KLC1: variants seen among roughly 807,000 people sequenced by gnomAD.
KLC1 encodes the protein kinesin light chain 1.
In KLC1, 30 loss-of-function variants were observed where a neutral mutation model predicts 84.2. That is an observed-to-expected ratio of 0.36 (90% CI 0.27 to 0.48). The LOEUF is 0.48. Among genes scored for constraint, KLC1 ranks in the 20% least tolerant of loss-of-function variants. The pLI, the probability that KLC1 is intolerant of heterozygous loss-of-function variation, is 0.99. For synonymous variants in KLC1, 289 were observed against 293.3 expected, an observed-to-expected ratio of 0.99 and a Z score of 0.15; for missense variants, 499 against 805.4, an observed-to-expected ratio of 0.62 and a Z score of 4.60.
At chr14:103,662,078 C>A in intron 3 of KLC1, 38 bp from the exon 4 acceptor site, 2 of 1,387,034 alleles carry the variant, frequency 1.4e-6, no homozygotes, top group Non-Finnish European at 2.1e-6. Flanking sequence ...GTGTATAGCA[C>A]GTGTAAGATG....
chr14:103,631,238 G>A (rs957940832), intron 1 of KLC1, among the ~76,000 whole-genome samples: 2 of 151,956 alleles, frequency 1.3e-5, no homozygotes, highest in East Asian at 3.9e-4. Context: ...CCGCCACCAC[G>A]CCCGGTTAAT....
chr14:103,693,326 A>G lies in KLC1; in HGVS notation c.1848+901A>G, dbSNP rs1057340101. On this transcript the variant is annotated intron_variant, in intron 15 of 16. Coordinates refer to ENST00000334553, the MANE Select transcript of KLC1 (RefSeq NM_001394837.1). This position sits in a 1 kb window ranked among gnomAD's most constrained non-coding sequence, Gnocchi z 5.1. Reference sequence around the variant, plus strand: ...TGGACATGTTGCTTGAAGCACCCCTAATGACAAGAGGAAAGAAAGTCTCTT... The same window carrying G: ...TGGACATGTTGCTTGAAGCACCCCTGATGACAAGAGGAAAGAAAGTCTCTT... 6.6e-6 allele frequency among the ~76,000 whole-genome samples: 1 copy of G among 151,740 alleles called. No homozygotes were observed. Among genetic ancestry groups the G allele is most frequent in the African/African-American group, 2.4e-5 (1 of 41,286 alleles).
chr14:103,698,587 G>A, intron 15 of KLC1: 1 of 606,114 alleles, frequency 1.6e-6, no homozygotes, highest in Middle Eastern at 4.4e-4. Flanking sequence ...CCTGTCCCCA[G>A]ACCCAGGGAG....
intron 15 of KLC1, chr14:103,699,646 G>T: frequency 2.6e-6 from 4 of 1,519,656 alleles, no homozygotes; most frequent in Non-Finnish European, 3.6e-6. Flanking sequence ...ACCCCGTTTG[G>T]ACTGTCACTC....
chr14:103,669,666 C>G lies in KLC1; in HGVS notation c.885+68C>G, dbSNP rs903836177. ...CCCCATATATTTCTTTTATCCAACTCATTTTACCATTAAACTCAACAGGGA... is the reference window on the plus strand; with the variant it reads ...CCCCATATATTTCTTTTATCCAACTGATTTTACCATTAAACTCAACAGGGA... On this transcript the variant is annotated intron_variant, in intron 6 of 16. Transcript: ENST00000334553. 7.4e-6 allele frequency: 8 copies of G among 1,085,134 alleles called. No homozygotes were observed. In the South Asian group the frequency reaches 1.0e-4, roughly 14 times the overall value. The allele number at this position is 1,085,134 out of a possible 1,614,324, so 67.2% of individuals were successfully genotyped here.
intron 1 of KLC1, among the ~76,000 whole-genome samples, chr14:103,637,375 C>G (rs2077126590): frequency 6.6e-6 from 1 of 151,618 alleles, no homozygotes; most frequent in African/African-American, 2.4e-5. Flanking sequence ...ACTAAAATTA[C>G]AAAAATTCGC....
chr14:103,670,526 G>A (rs531382519), intron 7 of KLC1, among the ~76,000 whole-genome samples: 1 of 151,974 alleles, frequency 6.6e-6, no homozygotes, highest in Admixed American at 6.6e-5. Context: ...TAGTAGAGAT[G>A]GGGTTTCACC....
At chr14:103,656,551 G>A (rs1051924454) in intron 2 of KLC1, among the ~76,000 whole-genome samples, 2 of 152,122 alleles carry the variant, frequency 1.3e-5, no homozygotes, top group Non-Finnish European at 2.9e-5. Context: ...GCTGGCCAGC[G>A]GTTTCTGCTT....
intron 13 of KLC1, chr14:103,685,229 A>G (rs2081689625): frequency 1.1e-5 from 15 of 1,413,068 alleles, no homozygotes; most frequent in Non-Finnish European, 1.4e-5. Context: ...TGAAATGTCT[A>G]AAATGTGTTT....
At chr14:103,633,348 C>T (rs553686739) in intron 1 of KLC1, among the ~76,000 whole-genome samples, 3 of 152,002 alleles carry the variant, frequency 2.0e-5, no homozygotes, top group East Asian at 3.9e-4. Flanking sequence ...TGAGCCACCG[C>T]GCCTGGCCGG....
chr14:103,657,186 T>C (rs1056356313), intron 2 of KLC1, among the ~76,000 whole-genome samples: 2 of 152,176 alleles, frequency 1.3e-5, no homozygotes, highest in African/African-American at 4.8e-5. Context: ...CACGAGGTCT[T>C]ACACATGGGA....
At position 103,699,318 on chromosome 14, in the gene KLC1, G is replaced by A. The variant is rs183521431; in HGVS notation, c.1849-1337G>A. 6.5e-5 allele frequency: 101 copies of A among 1,558,118 alleles called. 1 individual carries two copies. The Admixed American group carries it at 1.9e-3, about 29-fold the overall frequency. On this transcript the variant is annotated intron_variant, in intron 15 of 16. Coordinates refer to ENST00000334553, the MANE Select transcript of KLC1 (RefSeq NM_001394837.1). ...CAGACCGGCTCTGCTTCCGCATCCT[G>A]GCTAAAAATACGAGCTCAGGGGTGC...
intron 11 of KLC1, among the ~76,000 whole-genome samples, chr14:103,676,441 T>C (rs1595500051): frequency 6.6e-6 from 1 of 152,328 alleles, no homozygotes; most frequent in East Asian, 1.9e-4. Flanking sequence ...ATTTTTTGTA[T>C]TTTTAGTAGA....
At chr14:103,679,244 A>G (rs2081166880) in intron 12 of KLC1, 140 bp from the exon 13 acceptor site, 4 of 1,156,000 alleles carry the variant, frequency 3.5e-6, no homozygotes, top group Non-Finnish European at 4.9e-6. Flanking sequence ...ACCCCCTCCA[A>G]GGAACCACTC....
intron 14 of KLC1, among the ~76,000 whole-genome samples, chr14:103,690,867 T>A (rs542044601): frequency 6.6e-6 from 1 of 152,356 alleles, no homozygotes; most frequent in Non-Finnish European, 1.5e-5. Context: ...TACATTCCTG[T>A]ATTCCTTTAA....
chr14:103,692,895 T>C (rs2082203477), intron 15 of KLC1, among the ~76,000 whole-genome samples: 1 of 152,248 alleles, frequency 6.6e-6, no homozygotes, highest in Non-Finnish European at 1.5e-5. Context: ...CCTGAAGCAC[T>C]CGGTGCAGTT....
chr14:103,692,289 T>A, intron 14 of KLC1, 70 bp from the exon 15 acceptor site: 2 of 1,442,374 alleles, frequency 1.4e-6, no homozygotes, highest in Non-Finnish European at 1.9e-6. Flanking sequence ...GGGGCTTTGC[T>A]TGTGCTTCCT....
chr14:103,689,355 C>T (rs989342035), intron 14 of KLC1, among the ~76,000 whole-genome samples: 7 of 152,074 alleles, frequency 4.6e-5, no homozygotes. Context: ...GTGACCAGTC[C>T]CCAGTGTTAG....
rs575659413 is a variant in KLC1, at chr14:103,634,175, GTAT to G, written c.-2+4686_-2+4688del. ...TGAGCCACCGTGCCTGGCCAATACT[GTAT>G]TATTTTAATCATTTTAAAATTTTTA... On this transcript the variant is annotated intron_variant, in intron 1 of 16. Transcript: ENST00000334553. Among the ~76,000 whole-genome samples, 756 of 152,238 alleles carry G rather than the reference GTAT, an allele frequency of 5.0e-3. 4 individuals are homozygous for G. The highest frequency in any genetic ancestry group is 7.6e-3 in the Non-Finnish European group (514 of 68,028).
Sources: gnomAD v4.1 joint callset for allele counts (sites outside exome capture counted in the v4.1 genomes callset) on GRCh38, gnomAD v4.1.1 for gene constraint, Gnocchi (gnomAD v3.1) non-coding constraint, MANE v1.5 for transcripts, NCBI Gene and HGNC (gene_info 2026-07-23, HGNC 2026-07-21) for gene names.